The following SAMD12 variants were observed in gnomAD, a reference collection of about 807,000 sequenced individuals.
SAMD12 encodes sterile alpha motif domain-containing protein 12.
In SAMD12, 9 loss-of-function variants were observed where a neutral mutation model predicts 15.0. The observed-to-expected ratio is 0.60, with a 90% CI of 0.36 to 1.05. The LOEUF (loss-of-function observed/expected upper bound fraction) is 1.05, where lower values mean the gene tolerates loss of function less well. Ranked by LOEUF, SAMD12 falls within the 50% of genes least tolerant of loss-of-function variation. The pLI is 0.01. For synonymous variants in SAMD12, 86 were observed against 90.1 expected (o/e 0.96, Z 0.25); for missense variants, 230 against 234.2 (o/e 0.98, Z 0.12).
intron 2 of SAMD12, among the ~76,000 whole-genome samples, chr8:118,474,255 C>G (rs767252945): frequency 1.3e-5 from 2 of 152,148 alleles, no homozygotes; most frequent in African/African-American, 2.4e-5. Flanking sequence ...GCCACTGTAC[C>G]TAGTCTAGAG....
chr8:118,329,314 G>T (rs1816705815), intron 4 of SAMD12, among the ~76,000 whole-genome samples: 1 of 151,836 alleles, frequency 6.6e-6, no homozygotes, highest in African/African-American at 2.4e-5. Flanking sequence ...TTTACTTTTA[G>T]GTTTTTTGTA....
intron 2 of SAMD12, among the ~76,000 whole-genome samples, chr8:118,475,498 G>A (rs1015292531): frequency 6.6e-6 from 1 of 152,150 alleles, no homozygotes; most frequent in African/African-American, 2.4e-5. Context: ...AACAGACTAA[G>A]ACACTAATAT....
intron 2 of SAMD12, among the ~76,000 whole-genome samples, chr8:118,564,750 C>T (rs953889428): frequency 2.6e-5 from 4 of 152,186 alleles, no homozygotes; most frequent in East Asian, 3.8e-4. Flanking sequence ...GGGGCAGTAA[C>T]AAACATCCCT....
chr8:118,449,699 G>A (rs1823018211), intron 2 of SAMD12, among the ~76,000 whole-genome samples: 1 of 150,254 alleles, frequency 6.7e-6, no homozygotes, highest in Non-Finnish European at 1.5e-5. Context: ...GCCTCGGGAA[G>A]CTGAGGCAGG....
chr8:118,299,142 T>C (rs554946546), intron 4 of SAMD12, among the ~76,000 whole-genome samples: 1 of 152,222 alleles, frequency 6.6e-6, no homozygotes, highest in African/African-American at 2.4e-5. Context: ...AGAAGGAAGT[T>C]TGACTAGCGA....
At chr8:118,313,889 GTGTGTGTA>G (rs1815751739) in intron 4 of SAMD12, among the ~76,000 whole-genome samples, 1 of 152,010 alleles carries the variant, frequency 6.6e-6, no homozygotes, top group African/African-American at 2.4e-5. Flanking sequence ...ATGTGCTTGT[GTGTGTGTA>G]TGTGTGTGTG....
At chr8:118,219,633 CA>C (rs1812041854) in intron 4 of SAMD12, among the ~76,000 whole-genome samples, 1 of 152,150 alleles carries the variant, frequency 6.6e-6, no homozygotes, top group Non-Finnish European at 1.5e-5. Context: ...AGAGAATTGT[CA>C]GCTTGCATTT....
chr8:118,396,847 T>C (rs1820597896), intron 3 of SAMD12, among the ~76,000 whole-genome samples: 1 of 152,198 alleles, frequency 6.6e-6, no homozygotes, highest in African/African-American at 2.4e-5. Flanking sequence ...TGGTGGTTTC[T>C]ACTAGAGAGG....
intron 3 of SAMD12, among the ~76,000 whole-genome samples, chr8:118,422,283 T>C (rs1822032470): frequency 6.6e-6 from 1 of 152,202 alleles, no homozygotes; most frequent in Admixed American, 6.5e-5. Context: ...GTTTCTGGGC[T>C]GGTGGGAGGG....
chr8:118,421,046 C>T (rs1554659402), intron 3 of SAMD12, among the ~76,000 whole-genome samples: 1 of 152,180 alleles, frequency 6.6e-6, no homozygotes, highest in Non-Finnish European at 1.5e-5. Flanking sequence ...AAAAGTTTGC[C>T]TAAACCCAGT....
intron 4 of SAMD12, among the ~76,000 whole-genome samples, chr8:118,291,895 G>GTTAGGCA (rs1345891628): frequency 6.6e-6 from 1 of 151,042 alleles, no homozygotes; most frequent in African/African-American, 2.4e-5. Context: ...CCAACACCCT[G>GTTAGGCA]TTAGGCACTC....
intron 4 of SAMD12, among the ~76,000 whole-genome samples, chr8:118,207,108 G>A (rs1819881957): frequency 6.6e-6 from 1 of 152,218 alleles, no homozygotes; most frequent in Non-Finnish European, 1.5e-5. Context: ...TTCAGTATAT[G>A]CAAGTATCTG....
intron 4 of SAMD12, among the ~76,000 whole-genome samples, chr8:118,270,107 T>C (rs576209943): frequency 1.3e-5 from 2 of 152,342 alleles, no homozygotes; most frequent in South Asian, 2.1e-4. Context: ...CACAGAAACA[T>C]GGCTGAGCTG....
chr8:118,321,561 C>G (rs974390131), intron 4 of SAMD12, among the ~76,000 whole-genome samples: 2 of 152,014 alleles, frequency 1.3e-5, no homozygotes, highest in Non-Finnish European at 2.9e-5. Flanking sequence ...TTGCATTGAG[C>G]CAAGATCACA....
chr8:118,157,507 T>C, the SAMD12 span, among the ~76,000 whole-genome samples: 3 of 152,224 alleles, frequency 2.0e-5, no homozygotes, highest in African/African-American at 7.2e-5. Flanking sequence ...TTGTCTGTAC[T>C]CCATGTGAAA....
At chr8:118,550,124 G>A (rs140550137) in intron 2 of SAMD12, among the ~76,000 whole-genome samples, 234 of 152,170 alleles carry the variant, frequency 1.5e-3, no homozygotes, top group African/African-American at 5.0e-3. Context: ...ATCCAGGAGA[G>A]CTTCCCCAAC....
chr8:118,495,366 TA>T (rs34725353), intron 2 of SAMD12, among the ~76,000 whole-genome samples: 2 of 152,138 alleles, frequency 1.3e-5, no homozygotes, highest in Non-Finnish European at 2.9e-5. Context: ...TCTCCCAGTC[TA>T]AAAAACAGTT....
chr8:118,587,256 T>G (rs1218293024), intron 1 of SAMD12, among the ~76,000 whole-genome samples: 1 of 152,244 alleles, frequency 6.6e-6, no homozygotes, highest in East Asian at 1.9e-4. Context: ...TAATATAATA[T>G]ACACATAACA....
chr8:118,363,522 C>T (rs1223874030), intron 4 of SAMD12, among the ~76,000 whole-genome samples: 2 of 152,026 alleles, frequency 1.3e-5, no homozygotes, highest in Non-Finnish European at 2.9e-5. Flanking sequence ...AACATTAGCT[C>T]GTCTTGAGTT....
Sources: gnomAD v4.1 joint callset for allele counts (sites outside exome capture counted in the v4.1 genomes callset) on GRCh38, gnomAD v4.1.1 for gene constraint, MANE v1.5 for transcripts, NCBI Gene and HGNC (gene_info 2026-07-23, HGNC 2026-07-21) for gene names.